WARS1: variants seen among roughly 807,000 people sequenced by gnomAD.
WARS1 encodes the protein tryptophanyl-tRNA synthetase 1, also known as tryptophan--tRNA ligase, cytoplasmic.
Under a neutral mutation model 47.8 loss-of-function variants are expected in WARS1, and 17 were observed. That is an observed-to-expected ratio of 0.36 (90% CI 0.24 to 0.53). WARS1 has a LOEUF of 0.53. Ranked by LOEUF, WARS1 falls within the 20% of genes least tolerant of loss-of-function variation. The pLI, the probability that WARS1 is intolerant of heterozygous loss-of-function variation, is 0.91. For missense variants in WARS1, 434 were observed against 608.0 expected, an observed-to-expected ratio of 0.71 and a Z score of 3.01; for synonymous variants, 208 against 228.1, an observed-to-expected ratio of 0.91 and a Z score of 0.79.
In WARS1 at chr14:100,337,089, G is replaced by T; in HGVS notation, c.1227C>A (p.Asp409Glu). 1 of 1,614,022 alleles carries T rather than the reference G, an allele frequency of 6.2e-7. No individual in the cohort carries two copies. The highest frequency in any genetic ancestry group is 1.1e-5 in the South Asian group (1 of 91,078). Residue 409 changes from aspartate to glutamate, a missense_variant, in exon 10 of 11, where the codon GAC (aspartate) becomes GAA (glutamate). This residue lies in a region of WARS1 where 347 missense variants were observed against 523.8 expected (regional missense o/e 0.66). Transcript: ENST00000392882. ...TCCTGATCTGCTCGAGCTTGTCGTC[G>T]TCCTCGAGGAAGAAGGTCAGGTACA... Reference protein sequence around the residue: ...SFMYLTFFLEDDDKLEQIRKD... With the variant: ...SFMYLTFFLEEDDKLEQIRKD...
chr14:100,347,840 G>A (rs1032769901), intron 6 of WARS1, among the ~76,000 whole-genome samples: 1 of 152,228 alleles, frequency 6.6e-6, no homozygotes, highest in African/African-American at 2.4e-5. Context: ...GCCTCCCAAA[G>A]TGCTGGGATT....
intron 6 of WARS1, among the ~76,000 whole-genome samples, chr14:100,352,304 G>A (rs1323255684): frequency 2.6e-5 from 4 of 151,766 alleles, no homozygotes; most frequent in Non-Finnish European, 5.9e-5. Flanking sequence ...TAGAGATGGG[G>A]TTTCACCATA....
intron 2 of WARS1, among the ~76,000 whole-genome samples, chr14:100,362,571 G>T (rs987120375): frequency 6.6e-6 from 1 of 151,498 alleles, no homozygotes; most frequent in African/African-American, 2.4e-5. Flanking sequence ...CCCTTGGGTA[G>T]TCTGGAAATG....
rs1205399560 is a variant in WARS1 at position 100,339,522 on chromosome 14, C to T, written c.1114-2320G>A. 1.3e-4 allele frequency among the ~76,000 whole-genome samples: 17 copies of T among 132,266 alleles called. No homozygotes were observed. In the Admixed American group the frequency reaches 1.5e-3, roughly 11 times the overall value. The allele number at this position is 132,266 out of a possible 152,430, so 86.8% of individuals were successfully genotyped here. The stretch of plus-strand genomic sequence containing the variant: ...AGGAGAATGGCGTGAACCTGGGAGG[C>T]AGAGCTTGCAGTGAGCCGAGATTGT... On this transcript the variant is annotated intron_variant, in intron 9 of 10. Transcript: ENST00000392882.
intron 9 of WARS1, chr14:100,341,969 G>T (rs1894191188): frequency 3.7e-6 from 1 of 273,874 alleles, no homozygotes; most frequent in East Asian, 9.1e-5. Context: ...ACCTCCCAGT[G>T]AGAATGAAAC....
intron 4 of WARS1, 61 bp from the exon 5 acceptor site, chr14:100,354,627 T>C: frequency 3.2e-6 from 5 of 1,551,232 alleles, no homozygotes; most frequent in Non-Finnish European, 4.4e-6. Context: ...AAGGCACTAA[T>C]GCACTTTTGG....
intron 9 of WARS1, among the ~76,000 whole-genome samples, chr14:100,338,873 G>C (rs530692770): frequency 6.7e-6 from 1 of 148,892 alleles, no homozygotes; most frequent in Non-Finnish European, 1.5e-5. Context: ...TTGGGAGGCC[G>C]AGGCAGGCAG....
intron 10 of WARS1, 91 bp from the exon 11 acceptor site, chr14:100,335,127 C>A: frequency 7.6e-7 from 1 of 1,309,102 alleles, no homozygotes; most frequent in Non-Finnish European, 1.1e-6. Flanking sequence ...CCCACACCAC[C>A]CATGCAGAGC....
chr14:100,371,753 A>G (rs186380432), intron 1 of WARS1, among the ~76,000 whole-genome samples: 1 of 152,162 alleles, frequency 6.6e-6, no homozygotes, highest in Non-Finnish European at 1.5e-5. Context: ...AAAAATTCCA[A>G]AAAGTATGTA....
chr14:100,372,289 T>C (rs1595468427), intron 1 of WARS1, among the ~76,000 whole-genome samples: 1 of 151,962 alleles, frequency 6.6e-6, no homozygotes, highest in African/African-American at 2.4e-5. Flanking sequence ...GTAACATGGA[T>C]AGTGAGACCC....
At chr14:100,335,958 CTA>C (rs1024240615) in intron 10 of WARS1, among the ~76,000 whole-genome samples, 1 of 151,630 alleles carries the variant, frequency 6.6e-6, no homozygotes, top group African/African-American at 2.4e-5. Flanking sequence ...TCCTGTGTCA[CTA>C]AAACTTTTTT....
intron 1 of WARS1, among the ~76,000 whole-genome samples, chr14:100,371,955 C>A (rs1207625055): frequency 2.0e-5 from 3 of 152,116 alleles, no homozygotes. Flanking sequence ...CATTCCTTCA[C>A]AAAAGAAGTG....
Position 100,360,557 on chromosome 14 carries a change from T to C in WARS1, c.419A>G (p.His140Arg). 6.2e-7 allele frequency: 1 copy of C among 1,612,296 alleles called. No homozygotes were observed. The highest frequency in any genetic ancestry group is 8.5e-7 in the Non-Finnish European group (1 of 1,178,672). The stretch of plus-strand genomic sequence containing the variant: ...CCTGTGGTGAAGAGCCCCTGACCTG[T>C]GTGAGAAGAAGATGCCTCTGCGCAG... ...HFLRRGIFFSHRDMNQVLDAY... is the reference protein window; with the variant it reads ...HFLRRGIFFSRRDMNQVLDAY... The change falls in exon 4 of 11, where the codon CAC (histidine) becomes CGC (arginine). Residue 140 changes from histidine to arginine, a missense_variant. Physicochemically the swap from His to Arg is conservative, Grantham distance 29. Around this residue, in one of 2 missense-constraint regions of WARS1, gnomAD observed 347 missense variants for 523.8 expected, o/e 0.66. Coordinates refer to ENST00000392882, the MANE Select transcript of WARS1 (RefSeq NM_004184.4).
chr14:100,374,038 G>A (rs981233745), intron 1 of WARS1: 11 of 152,132 alleles, frequency 7.2e-5, no homozygotes, highest in African/African-American at 1.7e-4. Context: ...AACTTCAGAG[G>A]TTTTTCAACT....
At chr14:100,354,117 G>A in intron 5 of WARS1, 1 of 521,370 alleles carries the variant, frequency 1.9e-6, no homozygotes, top group East Asian at 3.3e-5. Flanking sequence ...CTTTACAGTA[G>A]TTCTATGAGG....
At chr14:100,342,651 C>T in intron 8 of WARS1, 80 bp from the exon 9 acceptor site, 1 of 1,367,326 alleles carries the variant, frequency 7.3e-7, no homozygotes, top group East Asian at 2.4e-5. Context: ...CTGTGAGCAT[C>T]TTCCCAGAAG....
intron 4 of WARS1, among the ~76,000 whole-genome samples, chr14:100,357,840 A>G (rs996886603): frequency 6.6e-6 from 1 of 152,264 alleles, no homozygotes; most frequent in Non-Finnish European, 1.5e-5. Flanking sequence ...CATTAAAAAG[A>G]TAAAATTCTA....
chr14:100,356,912 T>G (rs773909503), intron 4 of WARS1, among the ~76,000 whole-genome samples: 10 of 151,950 alleles, frequency 6.6e-5, no homozygotes, highest in Non-Finnish European at 1.2e-4. Context: ...CAGCAACATA[T>G]AAAAAAGATT....
At chr14:100,359,447 T>C (rs950343455) in intron 4 of WARS1, among the ~76,000 whole-genome samples, 2 of 152,220 alleles carry the variant, frequency 1.3e-5, no homozygotes, top group Non-Finnish European at 2.9e-5. Flanking sequence ...ATCCCATTTA[T>C]ATAAAATGCC....
Sources: allele counts gnomAD v4.1 joint callset (sites outside exome capture counted in the v4.1 genomes callset), GRCh38; gene constraint gnomAD v4.1.1; regional missense constraint gnomAD v4.1.1; transcripts MANE v1.5; gene names NCBI Gene and HGNC (gene_info 2026-07-23, HGNC 2026-07-21).